The following MYO9A variants were observed in gnomAD, a reference collection of about 807,000 sequenced individuals.
The protein encoded by MYO9A is unconventional myosin-IXa.
MYO9A carries 103 observed loss-of-function variants against 293.3 expected under a neutral mutation model. The ratio of observed to expected loss-of-function variants is 0.35; its 90% CI spans 0.30 to 0.41. The LOEUF is 0.41. Among genes scored for constraint, MYO9A ranks in the 10% least tolerant of loss-of-function variants. The pLI is 1.00. For synonymous variants in MYO9A, 1,001 were observed against 1,035.7 expected (o/e 0.97, Z 0.64); for missense variants, 2,685 against 3,033.0 (o/e 0.89, Z 2.69).
In MYO9A at chr15:71,880,475, G is replaced by A. The variant is rs1449179563; in HGVS notation, c.5482C>T (p.Pro1828Ser). 1 of 1,614,076 alleles carries A rather than the reference G, an allele frequency of 6.2e-7. No homozygotes were observed. Among genetic ancestry groups the A allele is most frequent in the Non-Finnish European group, 8.5e-7 (1 of 1,180,016 alleles). The change falls in exon 29 of 42, where the codon CCT becomes TCT. Residue 1828 changes from proline to serine, a missense_variant. This residue lies in a region of MYO9A where 1,434 missense variants were observed against 1,497.7 expected (regional missense o/e 0.96). Coordinates refer to ENST00000356056, the MANE Select transcript of MYO9A (RefSeq NM_006901.4). ...CGCTTGCGCTTAGCCTTTGGAGAAGGTTCTTTGTTCTCTTTGAATTCCTTC... is the reference window on the plus strand; with the variant it reads ...CGCTTGCGCTTAGCCTTTGGAGAAGATTCTTTGTTCTCTTTGAATTCCTTC... The part of the protein sequence containing the change: ...CRKEFKENKE[P>S]SPKAKRKRSV...
intron 38 of MYO9A, among the ~76,000 whole-genome samples, chr15:71,849,327 T>A (rs1227280533): frequency 6.6e-6 from 1 of 152,136 alleles, no homozygotes; most frequent in Non-Finnish European, 1.5e-5. Flanking sequence ...TGCACGCCTA[T>A]AATCTCAGCT....
At chr15:71,903,258 T>C (rs1380079292) in intron 21 of MYO9A, among the ~76,000 whole-genome samples, 195 bp from the exon 22 acceptor site, 2 of 151,980 alleles carry the variant, frequency 1.3e-5, no homozygotes. Context: ...GGGTTCTACA[T>C]ATCATGACAT....
At chr15:72,026,893 C>T (rs572741033) in intron 4 of MYO9A, among the ~76,000 whole-genome samples, 1 of 152,156 alleles carries the variant, frequency 6.6e-6, no homozygotes, top group Non-Finnish European at 1.5e-5. Flanking sequence ...AATCTGACCA[C>T]AGATGAAACA....
At chr15:72,096,609 G>A (rs1258134923) in intron 1 of MYO9A, among the ~76,000 whole-genome samples, 3 of 152,148 alleles carry the variant, frequency 2.0e-5, no homozygotes, top group African/African-American at 7.2e-5. Flanking sequence ...GCAGCCCATG[G>A]ATCAAGGAGT....
intron 32 of MYO9A, among the ~76,000 whole-genome samples, chr15:71,868,217 T>C (rs1333077820): frequency 6.6e-6 from 1 of 152,218 alleles, no homozygotes; most frequent in Non-Finnish European, 1.5e-5. Flanking sequence ...TGAGGTCCTA[T>C]TTCCTTGCTG....
intron 14 of MYO9A, among the ~76,000 whole-genome samples, chr15:71,957,939 T>C (rs562308202): frequency 3.3e-5 from 5 of 152,278 alleles, no homozygotes; most frequent in South Asian, 2.1e-4. Flanking sequence ...TAAAGCATCA[T>C]TGTACTCAGT....
rs767464955 is a variant in MYO9A at position 72,027,775 on chromosome 15, A to G, written c.954T>C (p.Tyr318=). 10 of 1,608,714 alleles carry G rather than the reference A, an allele frequency of 6.2e-6. 1 individual carries two copies. The Middle Eastern group carries it at 9.9e-4, about 160-fold the overall frequency. Residue 318 remains tyrosine (Y), a synonymous_variant, in exon 4 of 42, where the codon TAT becomes TAC. Coordinates refer to ENST00000356056, the MANE Select transcript of MYO9A (RefSeq NM_006901.4). ...AAACGAGTCTGGACTTCTCCAGTAGATATTTTTCAACATAGGCACTACAAG... is the reference window on the plus strand; with the variant it reads ...AAACGAGTCTGGACTTCTCCAGTAGGTATTTTTCAACATAGGCACTACAAG... The part of the protein sequence containing the change: ...GTVLGAYVEK[Y]LLEKSRLVYQ...
rs114308318 is a variant in MYO9A at position 71,932,318 on chromosome 15, G to C, written c.2562+1352C>G. Among the ~76,000 whole-genome samples, 583 of 152,192 alleles carry C rather than the reference G, an allele frequency of 3.8e-3. 4 individuals carry two copies. Among genetic ancestry groups the C allele is most frequent in the African/African-American group, 0.013 (557 of 41,528 alleles). On this transcript the variant is annotated intron_variant, in intron 18 of 41. Transcript: ENST00000356056. ...CCATTTATTTGTTTTCAGTGGTCTAGAGACTCAGAAATTCAGTGTCCCATC... is the reference window on the plus strand; with the variant it reads ...CCATTTATTTGTTTTCAGTGGTCTACAGACTCAGAAATTCAGTGTCCCATC...
chr15:71,828,126 AAG>A, intron 40 of MYO9A, 100 bp from the exon 41 acceptor site: 3 of 1,363,008 alleles, frequency 2.2e-6, no homozygotes, highest in Non-Finnish European at 2.0e-6. Flanking sequence ...CTAAGAAGCA[AAG>A]AGAGTCCATT....
At chr15:71,876,892 C>G (rs2056711524) in intron 31 of MYO9A, among the ~76,000 whole-genome samples, 2 of 152,126 alleles carry the variant, frequency 1.3e-5, no homozygotes, top group Admixed American at 6.5e-5. Flanking sequence ...CTAAACCCAA[C>G]CTTTTAAACT....
intron 1 of MYO9A, among the ~76,000 whole-genome samples, chr15:72,103,253 A>C (rs1034989940): frequency 1.1e-4 from 16 of 144,120 alleles, no homozygotes; most frequent in South Asian, 6.8e-4. Flanking sequence ...GCAGCAGCAG[A>C]AGGAGAAGCA....
chr15:72,101,641 G>A (rs1305438533), intron 1 of MYO9A, among the ~76,000 whole-genome samples: 2 of 128,362 alleles, frequency 1.6e-5, no homozygotes, highest in Non-Finnish European at 3.5e-5. Flanking sequence ...GGAGGGAGGT[G>A]GGGGGGTCAG....
At chr15:71,853,067 C>T (rs2055720929) in intron 35 of MYO9A, among the ~76,000 whole-genome samples, 1 of 151,332 alleles carries the variant, frequency 6.6e-6, no homozygotes, top group Admixed American at 6.7e-5. Flanking sequence ...GTACTACAGC[C>T]TGGGCAACAG....
intron 27 of MYO9A, among the ~76,000 whole-genome samples, 177 bp from the exon 28 acceptor site, chr15:71,883,913 C>T (rs936527204): frequency 2.9e-5 from 4 of 138,426 alleles, no homozygotes; most frequent in African/African-American, 5.2e-5. Context: ...AACTGAAAGG[C>T]GAAAAATTAT....
intron 1 of MYO9A, among the ~76,000 whole-genome samples, chr15:72,078,579 T>C (rs1189132009): frequency 6.6e-6 from 1 of 151,922 alleles, no homozygotes; most frequent in African/African-American, 2.4e-5. Flanking sequence ...TTCAAGAGGC[T>C]GAGGTGGGAG....
chr15:71,928,027 A>AACAT (rs1555484262), intron 18 of MYO9A, among the ~76,000 whole-genome samples: 2 of 10,754 alleles, frequency 1.9e-4, no homozygotes, highest in African/African-American at 4.4e-4. Flanking sequence ...ATACCTTTCT[A>AACAT]ATATATATAT....
intron 1 of MYO9A, among the ~76,000 whole-genome samples, chr15:72,071,610 A>C (rs1473788414): frequency 6.6e-6 from 1 of 152,046 alleles, no homozygotes; most frequent in Non-Finnish European, 1.5e-5. Flanking sequence ...GCATGGTAGC[A>C]CACGGCTGTA....
intron 30 of MYO9A, 113 bp from the exon 31 acceptor site, chr15:71,878,344 A>G (rs2056758213): frequency 1.4e-6 from 1 of 707,540 alleles, no homozygotes; most frequent in Non-Finnish European, 2.1e-6. Context: ...GGATCCTGAT[A>G]TAATTTCTAA....
At chr15:72,115,013 G>GT (rs2080919300) in intron 1 of MYO9A, among the ~76,000 whole-genome samples, 1 of 151,996 alleles carries the variant, frequency 6.6e-6, no homozygotes, top group Non-Finnish European at 1.5e-5. Flanking sequence ...TGAGGTACTT[G>GT]TTAAAAAAAA....
Sources: gnomAD v4.1 joint callset for allele counts (sites outside exome capture counted in the v4.1 genomes callset) on GRCh38, gnomAD v4.1.1 for gene constraint, gnomAD v4.1.1 regional missense constraint, MANE v1.5 for transcripts, NCBI Gene and HGNC (gene_info 2026-07-23, HGNC 2026-07-21) for gene names.